The following UBE3B variants were observed in gnomAD, a reference collection of about 807,000 sequenced individuals.
UBE3B encodes the protein ubiquitin-protein ligase E3B.
UBE3B carries 80 observed loss-of-function variants against 132.3 expected under a neutral mutation model. The ratio of observed to expected loss-of-function variants is 0.60; its 90% CI spans 0.50 to 0.73. The LOEUF is 0.73. Among genes scored for constraint, UBE3B ranks in the 30% least tolerant of loss-of-function variants. UBE3B has a pLI of 0.00. For synonymous variants in UBE3B, 487 were observed against 520.4 expected (o/e 0.94, Z 0.87); for missense variants, 1,196 against 1,362.5 (o/e 0.88, Z 1.92).
Position 109,507,612 on chromosome 12 carries a change from G to A in UBE3B, c.1499G>A (p.Cys500Tyr). ...CTTCCCAAACTGTGGGCATTTATCT[G>A]TGAGCTCGGGCCCCACGGAGGGTTA... is the stretch of plus-strand genomic sequence containing the variant. ...DLLPKLWAFI[C>Y]ELGPHGGLKL... Residue 500 changes from cysteine to tyrosine, a missense_variant, in exon 15 of 28, where the codon TGT (cysteine) becomes TAT (tyrosine). Cys to Tyr is a radical substitution (Grantham distance 194). Coordinates refer to ENST00000342494, the MANE Select transcript of UBE3B (RefSeq NM_130466.4). 2 of 1,614,140 alleles carry A rather than the reference G, an allele frequency of 1.2e-6. No homozygotes were observed. Among genetic ancestry groups the A allele is most frequent in the South Asian group, 1.1e-5 (1 of 91,078 alleles).
Position 109,534,194 on chromosome 12 carries a change from G to A in UBE3B, c.3016-397G>A. ...CCTCGGCCTCCATGCTTAAGGGAAAGTTGGCCCAAGTCATGGTCTGCCACC... is the reference window on the plus strand; with the variant it reads ...CCTCGGCCTCCATGCTTAAGGGAAAATTGGCCCAAGTCATGGTCTGCCACC... On this transcript the variant is annotated intron_variant, in intron 27 of 27. Transcript: ENST00000342494. This position sits in a 1 kb window ranked among gnomAD's most constrained non-coding sequence, Gnocchi z 5.2. 1.6e-6 allele frequency: 2 copies of A among 1,236,156 alleles called. No homozygotes were observed. The highest frequency in any genetic ancestry group is 1.0e-4 in the East Asian group (2 of 19,084). 76.6% of individuals were successfully genotyped at this position (1,236,156 alleles called of 1,614,324 possible).
In UBE3B at chr12:109,486,580, C is replaced by CAAAAAAATAAAAAAAA; in HGVS notation, c.447+12_447+13insTAAAAAAAAAAAAAAA. ...GATTTTCTCAAGCAGCTCAAGGTAA[C>CAAAAAAATAAAAAAAA]AAAAAAAAAAAAAAAAAAAAAAAGC... On this transcript the variant is annotated splice_donor_region_variant and intron_variant, in intron 6 of 27. Transcript: ENST00000342494. The CAAAAAAATAAAAAAAA allele has an allele frequency of 1.8e-6, 1 of 559,286 alleles. No individual in the cohort carries two copies. The highest frequency in any genetic ancestry group is 2.5e-5 in the South Asian group (1 of 39,558). The allele number at this position is 559,286 out of a possible 1,614,324, so 34.6% of individuals were successfully genotyped here.
At chr12:109,479,879 G>A (rs1875060989) in intron 1 of UBE3B, among the ~76,000 whole-genome samples, 1 of 152,152 alleles carries the variant, frequency 6.6e-6, no homozygotes, top group Non-Finnish European at 1.5e-5. Context: ...TTTCTTTTGG[G>A]AAGAGGCTCC....
chr12:109,537,384 T>C (rs1193783942), downstream of UBE3B, among the ~76,000 whole-genome samples: 1 of 152,166 alleles, frequency 6.6e-6, no homozygotes, highest in Non-Finnish European at 1.5e-5. Flanking sequence ...GGTGCTTCTG[T>C]CCTGACCCTC....
At position 109,481,095 on chromosome 12, in the gene UBE3B, A is replaced by C. The variant is rs1183461483; in HGVS notation, c.-127-542A>C. Among the ~76,000 whole-genome samples the C allele has an allele frequency of 3.4e-5, 5 of 146,336 alleles. No homozygotes were observed. In the South Asian group the frequency reaches 1.1e-3, roughly 32 times the overall value. ...ACTCCAGCCTGGGCGACAGAGCAAG[A>C]CTCCGTCTCAAAAAAAAAAAAAAAA... On this transcript the variant is annotated intron_variant, in intron 1 of 27. Coordinates refer to ENST00000342494, the MANE Select transcript of UBE3B (RefSeq NM_130466.4).
chr12:109,494,945 G>A (rs1208813328), intron 9 of UBE3B, among the ~76,000 whole-genome samples: 1 of 152,194 alleles, frequency 6.6e-6, no homozygotes, highest in Non-Finnish European at 1.5e-5. Flanking sequence ...TTATAACAAT[G>A]CAGTCCTTTC....
chr12:109,508,259 A>G (rs1879933066), intron 15 of UBE3B, among the ~76,000 whole-genome samples: 1 of 152,246 alleles, frequency 6.6e-6, no homozygotes, highest in African/African-American at 2.4e-5. Context: ...CCTGGCACAT[A>G]GGATGAGTTC....
In UBE3B at chr12:109,534,105, T is replaced by C. The variant is rs1201132604; in HGVS notation, c.3016-486T>C. 1 of 1,294,862 alleles carries C rather than the reference T, an allele frequency of 7.7e-7. No homozygotes were observed. The highest frequency in any genetic ancestry group is 1.0e-6 in the Non-Finnish European group (1 of 993,228). The allele number at this position is 1,294,862 out of a possible 1,614,324, so 80.2% of individuals were successfully genotyped here. A position where few individuals can be genotyped will look rare whatever the true frequency, so the allele number is the denominator to read the frequency against. The stretch of plus-strand genomic sequence containing the variant: ...TAAAAACCCAGTGGCCGCCTCTGGG[T>C]GTAGCTGCCTCTCATGATGCAGTTT... On this transcript the variant is annotated intron_variant, in intron 27 of 27. Transcript: ENST00000342494. The surrounding 1 kb of genome is among the most constrained non-coding windows in gnomAD (Gnocchi z 5.2).
intron 14 of UBE3B, among the ~76,000 whole-genome samples, chr12:109,507,229 C>T (rs1879799674): frequency 6.6e-6 from 1 of 152,220 alleles, no homozygotes; most frequent in Non-Finnish European, 1.5e-5. Context: ...GACATACAGG[C>T]TGTGTGATTT....
chr12:109,542,180 C>T, the UBE3B span, among the ~76,000 whole-genome samples: 8 of 152,192 alleles, frequency 5.3e-5, no homozygotes, highest in South Asian at 2.1e-4. Context: ...TATTCAAGGA[C>T]GGGAAATATT....
Position 109,521,426 on chromosome 12 carries a change from CT to C in UBE3B, c.2254-10del. The C allele has an allele frequency of 6.3e-7, 1 of 1,579,550 alleles. No homozygotes were observed. ...GCACTTGACCTCTGCCTCTCCCCGTCTTTTTGCCTTGCAGACAACCAGTGGG... is the reference window on the plus strand; with the variant it reads ...GCACTTGACCTCTGCCTCTCCCCGTCTTTTGCCTTGCAGACAACCAGTGGG... On this transcript the variant is annotated splice_polypyrimidine_tract_variant and intron_variant, in intron 20 of 27. Coordinates refer to ENST00000342494, the MANE Select transcript of UBE3B (RefSeq NM_130466.4). This position sits in a 1 kb window ranked among gnomAD's most constrained non-coding sequence, Gnocchi z 4.2.
At chr12:109,520,200 C>G (rs1370398453) in intron 19 of UBE3B, 1 of 152,248 alleles carries the variant, frequency 6.6e-6, no homozygotes, top group East Asian at 1.9e-4. Flanking sequence ...CCTCTCAAGT[C>G]GGGCCAACAG....
At chr12:109,495,983 C>T (rs967197901) in intron 9 of UBE3B, among the ~76,000 whole-genome samples, 8 of 152,174 alleles carry the variant, frequency 5.3e-5, no homozygotes, top group African/African-American at 1.9e-4. Flanking sequence ...ATTTTGGGGG[C>T]CTATTCCCAA....
intron 24 of UBE3B, among the ~76,000 whole-genome samples, chr12:109,526,668 C>T (rs1592965666): frequency 6.6e-6 from 1 of 151,930 alleles, no homozygotes; most frequent in Admixed American, 6.6e-5. Flanking sequence ...GTCAGGAGTT[C>T]GAGACCAGCC....
At chr12:109,530,806 T>C (rs1566116036) in intron 26 of UBE3B, 148 bp downstream of exon 26, 3 of 756,724 alleles carry the variant, frequency 4.0e-6, no homozygotes, top group Non-Finnish European at 6.4e-6. Context: ...GGCCTCCCGG[T>C]AGGCCAAGCA....
At chr12:109,483,441 G>T in intron 2 of UBE3B, 90 bp from the exon 3 acceptor site, 2 of 1,375,044 alleles carry the variant, frequency 1.5e-6, no homozygotes, top group Non-Finnish European at 1.9e-6. Flanking sequence ...TGCTGCCCAG[G>T]TCCCTGCCCA....
At chr12:109,490,894 T>A in intron 8 of UBE3B, 151 bp from the exon 9 acceptor site, 1 of 1,059,990 alleles carries the variant, frequency 9.4e-7, no homozygotes, top group Non-Finnish European at 1.3e-6. Context: ...TGCCTCAGCC[T>A]CCTGAGCTGG....
intron 19 of UBE3B, among the ~76,000 whole-genome samples, chr12:109,517,360 A>C (rs1330334369): frequency 3.9e-5 from 6 of 152,200 alleles, no homozygotes; most frequent in Non-Finnish European, 8.8e-5. Flanking sequence ...TGTAGACAGA[A>C]ACTTACAAGA....
At chr12:109,490,041 A>C in intron 8 of UBE3B, 37 bp downstream of exon 8, 4 of 1,580,372 alleles carry the variant, frequency 2.5e-6, no homozygotes, top group East Asian at 4.5e-5. Context: ...CAACTTCTCC[A>C]CTCTCCAACA....
Sources: allele counts gnomAD v4.1 joint callset (sites outside exome capture counted in the v4.1 genomes callset), GRCh38; gene constraint gnomAD v4.1.1; non-coding constraint Gnocchi (gnomAD v3.1); transcripts MANE v1.5; gene names NCBI Gene and HGNC (gene_info 2026-07-23, HGNC 2026-07-21).